The following MCC variants were observed in gnomAD, a reference collection of about 807,000 sequenced individuals.
MCC encodes colorectal mutant cancer protein.
A neutral mutation model predicts 116.2 loss-of-function variants in MCC; 90 were observed. The observed-to-expected ratio is 0.77, with a 90% confidence interval of 0.65 to 0.92. MCC has a LOEUF of 0.92. Among genes scored for constraint, MCC ranks in the 40% least tolerant of loss-of-function variants. MCC has a pLI of 0.00. For missense variants in MCC, 1,516 were observed against 1,312.2 expected, an observed-to-expected ratio of 1.16 and a Z score of -2.40; for synonymous variants, 578 against 510.5, an observed-to-expected ratio of 1.13 and a Z score of -1.78.
At chr5:113,174,848 C>G (rs1761249680) in intron 3 of MCC, among the ~76,000 whole-genome samples, 6 of 152,142 alleles carry the variant, frequency 3.9e-5, no homozygotes, top group Admixed American at 3.9e-4. Context: ...CTTGTCCTCC[C>G]AAAGTGCTGG....
At chr5:113,378,036 T>C (rs957944573) in intron 2 of MCC, among the ~76,000 whole-genome samples, 6 of 152,220 alleles carry the variant, frequency 3.9e-5, no homozygotes, top group African/African-American at 1.4e-4. Context: ...ATAGTAGCAT[T>C]CATTCTGGAA....
chr5:113,223,381 G>GAAAAGTA (rs1175959069), intron 3 of MCC, among the ~76,000 whole-genome samples: 1 of 152,174 alleles, frequency 6.6e-6, no homozygotes, highest in Non-Finnish European at 1.5e-5. Flanking sequence ...CCCTAGAGTT[G>GAAAAGTA]AAAAGTACCT....
chr5:113,294,002 G>T (rs1873927), intron 3 of MCC, among the ~76,000 whole-genome samples: 60,576 of 152,010 alleles, frequency 0.4, 16,058 homozygotes, highest in African/African-American at 0.75. Flanking sequence ...GGAAATAAAA[G>T]GGTGTATATA....
chr5:113,117,369 A>G (rs998795398), intron 6 of MCC, among the ~76,000 whole-genome samples: 3 of 152,224 alleles, frequency 2.0e-5, no homozygotes, highest in South Asian at 4.1e-4. Flanking sequence ...TCCAAAACCT[A>G]TTCACACAGA....
At chr5:113,403,075 T>C (rs1769737373) in intron 1 of MCC, among the ~76,000 whole-genome samples, 2 of 152,130 alleles carry the variant, frequency 1.3e-5, no homozygotes, top group Non-Finnish European at 2.9e-5. Context: ...GTACTTACCT[T>C]GCTGCAGATT....
chr5:113,130,032 A>T (rs900000379), intron 5 of MCC, among the ~76,000 whole-genome samples: 2 of 152,244 alleles, frequency 1.3e-5, no homozygotes, highest in African/African-American at 4.8e-5. Flanking sequence ...AGACACATGC[A>T]CATGTATGTT....
chr5:113,041,146 A>G (rs1356804964), intron 17 of MCC, among the ~76,000 whole-genome samples: 1 of 152,190 alleles, frequency 6.6e-6, no homozygotes, highest in African/African-American at 2.4e-5. Flanking sequence ...AGCTATTACA[A>G]CTTGGAAGGA....
At position 113,067,967 on chromosome 5, in the gene MCC, A is replaced by C. The variant is rs889269741; in HGVS notation, c.2029+113T>G. On this transcript the variant is annotated intron_variant, in intron 13 of 18. Coordinates refer to ENST00000408903, the MANE Select transcript of MCC (RefSeq NM_001085377.2). ...TGAGGAAAAACGAAAAACACACTTG[A>C]CAACCAAATTTTGTGTTGTCGGGAG... is the stretch of plus-strand genomic sequence containing the variant. 9 of 898,034 alleles carry C rather than the reference A, an allele frequency of 1.0e-5. No individual in the cohort carries two copies. The African/African-American group carries it at 1.5e-4, about 15-fold the overall frequency. 55.6% of individuals were successfully genotyped at this position (898,034 alleles called of 1,614,324 possible).
intron 3 of MCC, among the ~76,000 whole-genome samples, chr5:113,228,575 G>A (rs1056239428): frequency 6.6e-6 from 1 of 152,178 alleles, no homozygotes; most frequent in African/African-American, 2.4e-5. Flanking sequence ...CAAGAAGGAA[G>A]GTGGAGGTGG....
intron 3 of MCC, among the ~76,000 whole-genome samples, chr5:113,273,511 G>A (rs1453318908): frequency 1.3e-5 from 2 of 152,078 alleles, no homozygotes; most frequent in Non-Finnish European, 2.9e-5. Flanking sequence ...AATCTAATAG[G>A]ACATAAAGTA....
At position 113,122,534 on chromosome 5, in the gene MCC, T is replaced by C. The variant is rs980133076; in HGVS notation, c.1027+150A>G. 42 of 762,428 alleles carry C rather than the reference T, an allele frequency of 5.5e-5. No individual in the cohort carries two copies. In the African/African-American group the frequency reaches 7.1e-4, roughly 13 times the overall value. The allele number at this position is 762,428 out of a possible 1,614,324, so 47.2% of individuals were successfully genotyped here. On this transcript the variant is annotated intron_variant, in intron 6 of 18. Coordinates refer to ENST00000408903, the MANE Select transcript of MCC (RefSeq NM_001085377.2). ...AGTTCCATTTTGACCAACAAAGTAA[T>C]GTGTAAGGGACTGAAATACATGTGA...
At position 113,104,363 on chromosome 5, in the gene MCC, T is replaced by C. The variant is rs758343198; in HGVS notation, c.1028-8A>G. ...TCAGGTCACTGCAGTTGTCTGTGAGTGAATGAAGACAAAATGCGTTACACA... is the reference window on the plus strand; with the variant it reads ...TCAGGTCACTGCAGTTGTCTGTGAGCGAATGAAGACAAAATGCGTTACACA... On this transcript the variant is annotated splice_polypyrimidine_tract_variant and splice_region_variant and intron_variant, in intron 6 of 18. Transcript: ENST00000408903. The C allele has an allele frequency of 1.3e-6, 2 of 1,599,436 alleles. No individual in the cohort carries two copies. The highest frequency in any genetic ancestry group is 1.1e-5 in the South Asian group (1 of 89,490).
intron 1 of MCC, among the ~76,000 whole-genome samples, chr5:113,444,929 A>G (rs914625478): frequency 2.0e-5 from 3 of 152,238 alleles, no homozygotes; most frequent in African/African-American, 7.2e-5. Flanking sequence ...CTAGATGAGA[A>G]AAGTGAGGCT....
chr5:113,451,802 T>G (rs1219727494), intron 1 of MCC, among the ~76,000 whole-genome samples: 1 of 152,106 alleles, frequency 6.6e-6, no homozygotes, highest in Non-Finnish European at 1.5e-5. Context: ...ACACACCAAG[T>G]TTTTCAACTA....
At chr5:113,268,584 C>G (rs1401145048) in intron 3 of MCC, among the ~76,000 whole-genome samples, 1 of 152,132 alleles carries the variant, frequency 6.6e-6, no homozygotes, top group Non-Finnish European at 1.5e-5. Context: ...CTGTGCCCTG[C>G]CCCTCCATCC....
intron 17 of MCC, among the ~76,000 whole-genome samples, chr5:113,039,997 C>G (rs1030261535): frequency 6.6e-6 from 1 of 151,462 alleles, no homozygotes; most frequent in Non-Finnish European, 1.5e-5. Flanking sequence ...TTACAGCACA[C>G]AGGCTGGATG....
At chr5:113,090,933 G>A (rs894204562) in intron 8 of MCC, among the ~76,000 whole-genome samples, 1 of 152,356 alleles carries the variant, frequency 6.6e-6, no homozygotes, top group Admixed American at 6.5e-5. Context: ...GGCTGAAGGA[G>A]TTGCCAGGAG....
intron 1 of MCC, among the ~76,000 whole-genome samples, chr5:113,465,144 T>A (rs1165662237): frequency 6.9e-6 from 1 of 144,638 alleles, no homozygotes; most frequent in Non-Finnish European, 1.5e-5. Flanking sequence ...GGAGGCCACA[T>A]AAAATATTAA....
chr5:113,264,379 CA>C (rs1765337431), intron 3 of MCC, among the ~76,000 whole-genome samples: 1 of 152,180 alleles, frequency 6.6e-6, no homozygotes, highest in African/African-American at 2.4e-5. Context: ...TATTAGCTCC[CA>C]GCTTGAAAAC....
Sources: gnomAD v4.1 joint callset for allele counts (sites outside exome capture counted in the v4.1 genomes callset) on GRCh38, gnomAD v4.1.1 for gene constraint, MANE v1.5 for transcripts, NCBI Gene and HGNC (gene_info 2026-07-23, HGNC 2026-07-21) for gene names.